KLRF1: variants seen among roughly 807,000 people sequenced by gnomAD.
The protein encoded by KLRF1 is killer cell lectin-like receptor subfamily F member 1.
Under a neutral mutation model 30.7 loss-of-function variants are expected in KLRF1, and 27 were observed. The ratio of observed to expected loss-of-function variants is 0.88; its 90% CI spans 0.65 to 1.21. KLRF1 has a LOEUF of 1.21. Ranked by LOEUF, KLRF1 falls within the 50% of genes most tolerant of loss-of-function variation. KLRF1 has a pLI of 0.00. For synonymous variants in KLRF1, 92 were observed against 89.3 expected, an observed-to-expected ratio of 1.03 and a Z score of -0.17; for missense variants, 246 against 259.3, an observed-to-expected ratio of 0.95 and a Z score of 0.35.
At chr12:9,816,547 C>CTT in the KLRF1 span, among the ~76,000 whole-genome samples, 184 of 143,716 alleles carry the variant, frequency 1.3e-3, 2 homozygotes, top group East Asian at 0.02. Flanking sequence ...CAAGTAACTT[C>CTT]TTTTTTTTTT....
intron 2 of KLRF1, 120 bp downstream of exon 2, chr12:9,832,534 A>G (rs1867456335): frequency 1.6e-6 from 1 of 632,014 alleles, no homozygotes; most frequent in Admixed American, 2.8e-5. Context: ...ATTAGAAGCT[A>G]CTGCATGTAA....
chr12:9,820,910 C>T, the KLRF1 span, among the ~76,000 whole-genome samples: 1 of 152,154 alleles, frequency 6.6e-6, no homozygotes, highest in African/African-American at 2.4e-5. Flanking sequence ...ACTTACACCC[C>T]CTAACTCTTC....
chr12:9,805,187 T>C, the KLRF1 span, among the ~76,000 whole-genome samples: 2 of 152,018 alleles, frequency 1.3e-5, no homozygotes, highest in Non-Finnish European at 1.5e-5. Context: ...TACCTTAGAC[T>C]GGGCAATTTA....
the KLRF1 span, among the ~76,000 whole-genome samples, chr12:9,814,824 G>C: frequency 1.4e-5 from 2 of 145,884 alleles, no homozygotes; most frequent in Non-Finnish European, 3.0e-5. Flanking sequence ...AGAGTAGAAT[G>C]ATAGTTACTA....
chr12:9,803,370 CT>C, the KLRF1 span, among the ~76,000 whole-genome samples: 6 of 152,084 alleles, frequency 3.9e-5, no homozygotes, highest in East Asian at 1.2e-3. Context: ...GGAAGAAAAC[CT>C]TTTCATTGTT....
At chr12:9,806,011 C>A in the KLRF1 span, among the ~76,000 whole-genome samples, 67 of 151,968 alleles carry the variant, frequency 4.4e-4, no homozygotes, top group Middle Eastern at 3.4e-3. Flanking sequence ...TTTCTATTCT[C>A]TATTTCATTT....
intron 3 of KLRF1, among the ~76,000 whole-genome samples, chr12:9,840,375 A>G (rs16907812): frequency 0.11 from 16,594 of 152,148 alleles, 1,105 homozygotes; most frequent in African/African-American, 0.19. Context: ...ACGATAAAAA[A>G]TAAATAAAAA....
chr12:9,839,821 C>A (rs1374794528), intron 3 of KLRF1, among the ~76,000 whole-genome samples: 1 of 152,038 alleles, frequency 6.6e-6, no homozygotes, highest in Non-Finnish European at 1.5e-5. Flanking sequence ...CAAATTATCA[C>A]ATGACCCAAC....
chr12:9,840,546 A>G (rs1233634667), intron 3 of KLRF1, among the ~76,000 whole-genome samples: 1 of 152,132 alleles, frequency 6.6e-6, no homozygotes, highest in Non-Finnish European at 1.5e-5. Context: ...AAAGAACTTC[A>G]TAATATTTCA....
At chr12:9,811,473 T>C in the KLRF1 span, among the ~76,000 whole-genome samples, 1 of 152,148 alleles carries the variant, frequency 6.6e-6, no homozygotes, top group Non-Finnish European at 1.5e-5. Context: ...TGGAAAGAGA[T>C]ACTAGAGAGG....
the KLRF1 span, among the ~76,000 whole-genome samples, chr12:9,816,065 G>T: frequency 4.3e-3 from 652 of 152,238 alleles, 3 homozygotes; most frequent in Middle Eastern, 0.02. Flanking sequence ...TGATCTGCCC[G>T]CCTCGGCCTC....
At chr12:9,813,615 AAAG>A in the KLRF1 span, among the ~76,000 whole-genome samples, 27 of 152,220 alleles carry the variant, frequency 1.8e-4, no homozygotes, top group African/African-American at 6.5e-4. Flanking sequence ...TTTCCTCCAC[AAAG>A]AAGAACCAAA....
chr12:9,808,325 G>A, the KLRF1 span, among the ~76,000 whole-genome samples: 2 of 151,932 alleles, frequency 1.3e-5, no homozygotes, highest in African/African-American at 2.4e-5. Flanking sequence ...GAAATAATTG[G>A]TCTAAAATAA....
chr12:9,809,915 A>T, the KLRF1 span, among the ~76,000 whole-genome samples: 6 of 152,298 alleles, frequency 3.9e-5, no homozygotes, highest in African/African-American at 1.2e-4. Context: ...CCCCATGAAT[A>T]AATCAAATAT....
Position 9,844,620 on chromosome 12 carries a change from C to A in KLRF1, c.*94C>A, listed in dbSNP as rs941471344. 27 of 652,566 alleles carry A rather than the reference C, an allele frequency of 4.1e-5. No individual in the cohort carries two copies. The highest frequency in any genetic ancestry group is 6.2e-5 in the Non-Finnish European group (23 of 370,708). 40.4% of individuals were successfully genotyped at this position (652,566 alleles called of 1,614,324 possible). On this transcript the variant is annotated 3_prime_UTR_variant, in exon 6 of 6. Coordinates refer to ENST00000617889, the MANE Select transcript of KLRF1 (RefSeq NM_016523.3). ...TCTCCAGGTGTAAGATTTTAAAGTGCAATTAAATGCCAAAATCTCTTCTCC... is the reference window on the plus strand; with the variant it reads ...TCTCCAGGTGTAAGATTTTAAAGTGAAATTAAATGCCAAAATCTCTTCTCC...
At chr12:9,834,308 G>T (rs753460553) in intron 3 of KLRF1, among the ~76,000 whole-genome samples, 12 of 152,054 alleles carry the variant, frequency 7.9e-5, no homozygotes, top group Non-Finnish European at 1.3e-4. Flanking sequence ...CAGGGGATGC[G>T]ATGGCTTAGC....
At chr12:9,831,558 G>A (rs1842334805) in intron 1 of KLRF1, among the ~76,000 whole-genome samples, 1 of 151,988 alleles carries the variant, frequency 6.6e-6, no homozygotes, top group African/African-American at 2.4e-5. Context: ...CTTTGATAAG[G>A]ACAAAATGTT....
chr12:9,812,736 A>T, the KLRF1 span, among the ~76,000 whole-genome samples: 1 of 152,136 alleles, frequency 6.6e-6, no homozygotes, highest in Non-Finnish European at 1.5e-5. Flanking sequence ...AATACAGAGG[A>T]TAATATTTAT....
chr12:9,827,661 T>G, intron 1 of KLRF1, 32 bp downstream of exon 1: 2 of 1,260,288 alleles, frequency 1.6e-6, no homozygotes, highest in Non-Finnish European at 2.3e-6. Flanking sequence ...TTTCAATTGG[T>G]GTGAATTAAC....
Sources: gnomAD v4.1 joint callset for allele counts (sites outside exome capture counted in the v4.1 genomes callset) on GRCh38, gnomAD v4.1.1 for gene constraint, MANE v1.5 for transcripts, NCBI Gene and HGNC (gene_info 2026-07-23, HGNC 2026-07-21) for gene names.